Variants in PARG observed in about 807,000 individuals in gnomAD.
PARG encodes poly(ADP-ribose) glycohydrolase.
In PARG, 35 loss-of-function variants were observed where a neutral mutation model predicts 113.0. The observed-to-expected ratio is 0.31, with a 90% CI of 0.24 to 0.41. The LOEUF is 0.41. Among genes scored for constraint, PARG ranks in the 10% least tolerant of loss-of-function variants. The pLI is 1.00. For synonymous variants in PARG, 330 were observed against 409.9 expected, an observed-to-expected ratio of 0.81 and a Z score of 2.36; for missense variants, 797 against 1,169.4, an observed-to-expected ratio of 0.68 and a Z score of 4.64.
Position 49,923,409 on chromosome 10 carries a change from A to G in PARG, c.1456-740T>C, listed in dbSNP as rs553138231. 1.3e-4 allele frequency among the ~76,000 whole-genome samples: 20 copies of G among 152,220 alleles called. No individual in the cohort carries two copies. The East Asian group carries it at 3.7e-3, about 28-fold the overall frequency. On this transcript the variant is annotated intron_variant, in intron 4 of 17. Coordinates refer to ENST00000616448, the MANE Select transcript of PARG (RefSeq NM_003631.5). ...TAACCATATTAACTTTGTATTCTGA[A>G]TATGTAAGATAGAACCTGGTATGTG... is the stretch of plus-strand genomic sequence containing the variant.
chr10:49,940,426 G>A (rs1417083835), intron 1 of PARG, among the ~76,000 whole-genome samples: 2 of 145,880 alleles, frequency 1.4e-5, no homozygotes, highest in Non-Finnish European at 3.0e-5. Context: ...TATCCAATTT[G>A]ATCTGACTTT....
At chr10:49,912,299 C>G (rs531335828) in intron 7 of PARG, among the ~76,000 whole-genome samples, 366 of 152,126 alleles carry the variant, frequency 2.4e-3, no homozygotes, top group Non-Finnish European at 3.9e-3. Context: ...GATACTGTCT[C>G]AAAACAACAA....
chr10:49,824,634 G>C (rs782245347), intron 16 of PARG, among the ~76,000 whole-genome samples: 15 of 152,266 alleles, frequency 9.9e-5, no homozygotes, highest in Middle Eastern at 3.4e-3. Context: ...CACACCACAA[G>C]TGTGGTGTGA....
At chr10:49,892,017 G>C (rs543257911) in intron 7 of PARG, among the ~76,000 whole-genome samples, 4 of 151,860 alleles carry the variant, frequency 2.6e-5, no homozygotes, top group Non-Finnish European at 4.4e-5. Context: ...CTGGCCGGGC[G>C]TGGTGGCTCA....
intron 7 of PARG, among the ~76,000 whole-genome samples, chr10:49,887,048 CTT>C (rs1317586482): frequency 6.5e-5 from 9 of 139,072 alleles, no homozygotes; most frequent in East Asian, 2.0e-4. Context: ...TATAATTTAT[CTT>C]TTTTTTTTTT....
At chr10:49,916,365 G>T (rs1301180258) in intron 6 of PARG, among the ~76,000 whole-genome samples, 2 of 152,046 alleles carry the variant, frequency 1.3e-5, no homozygotes, top group African/African-American at 4.8e-5. Flanking sequence ...TATATACACA[G>T]ACATACACAG....
Position 49,922,208 on chromosome 10 carries a change from C to T in PARG, c.1662+128G>A. On this transcript the variant is annotated intron_variant, in intron 6 of 17. Transcript: ENST00000616448. ...TAGTAGAATGTCTCTAAGGGGCCTTCCTTAGTGCCAGGAAGCAAGCATTTT... is the reference window on the plus strand; with the variant it reads ...TAGTAGAATGTCTCTAAGGGGCCTTTCTTAGTGCCAGGAAGCAAGCATTTT... The T allele has an allele frequency of 4.2e-6, 4 of 950,458 alleles. No individual in the cohort carries two copies. In the East Asian group the frequency reaches 7.9e-5, roughly 19 times the overall value. 58.9% of individuals were successfully genotyped at this position (950,458 alleles called of 1,614,324 possible). A position where few individuals can be genotyped will look rare whatever the true frequency, so the allele number is the denominator to read the frequency against.
chr10:49,828,862 G>A (rs1358861504), intron 16 of PARG, among the ~76,000 whole-genome samples: 2 of 152,062 alleles, frequency 1.3e-5, no homozygotes, highest in African/African-American at 2.4e-5. Context: ...GTGACACAAT[G>A]AGACCCTGTA....
chr10:49,822,506 G>A (rs1409199450), intron 16 of PARG, among the ~76,000 whole-genome samples: 2 of 152,112 alleles, frequency 1.3e-5, no homozygotes, highest in South Asian at 2.1e-4. Context: ...AAAAACAGAC[G>A]GGCCAGCTCT....
At chr10:49,928,842 C>A (rs1261188572) in intron 4 of PARG, among the ~76,000 whole-genome samples, 1 of 152,144 alleles carries the variant, frequency 6.6e-6, no homozygotes, top group Non-Finnish European at 1.5e-5. Flanking sequence ...CTATTAACAT[C>A]TGGAATCTTA....
At chr10:49,938,224 T>G (rs1298136378) in intron 1 of PARG, among the ~76,000 whole-genome samples, 2 of 152,200 alleles carry the variant, frequency 1.3e-5, no homozygotes, top group Non-Finnish European at 2.9e-5. Flanking sequence ...TTCTAAGGGT[T>G]ATGTGGATCA....
intron 1 of PARG, among the ~76,000 whole-genome samples, chr10:49,935,641 G>A (rs2132989042): frequency 6.6e-6 from 1 of 152,156 alleles, no homozygotes; most frequent in East Asian, 1.9e-4. Context: ...TTATTTCTGA[G>A]GAAGACACTA....
chr10:49,835,975 A>G (rs891822326), intron 15 of PARG, among the ~76,000 whole-genome samples: 1 of 152,044 alleles, frequency 6.6e-6, no homozygotes, highest in African/African-American at 2.4e-5. Context: ...ATAGTAACAC[A>G]CTCGACTGGT....
chr10:49,904,430 T>C (rs1287654186), intron 7 of PARG, among the ~76,000 whole-genome samples: 13 of 151,058 alleles, frequency 8.6e-5, no homozygotes, highest in Non-Finnish European at 1.6e-4. Context: ...AGGAAGCTTA[T>C]AGAAGATGAC....
In PARG at chr10:49,819,259, G is replaced by C. The variant is rs1290075554; in HGVS notation, c.*81C>G. On this transcript the variant is annotated 3_prime_UTR_variant, in exon 18 of 18. Transcript: ENST00000616448. ...TATGTACACATTTATATTAACTTAAGTCAATTCATATATTACACCTGACAG... is the reference window on the plus strand; with the variant it reads ...TATGTACACATTTATATTAACTTAACTCAATTCATATATTACACCTGACAG... The C allele has an allele frequency of 8.9e-7, 1 of 1,126,430 alleles. No individual in the cohort carries two copies. Among genetic ancestry groups the C allele is most frequent in the East Asian group, 2.6e-5 (1 of 38,742 alleles). The allele number at this position is 1,126,430 out of a possible 1,614,324, so 69.8% of individuals were successfully genotyped here.
intron 15 of PARG, among the ~76,000 whole-genome samples, chr10:49,834,811 G>T (rs888739532): frequency 6.6e-6 from 1 of 152,112 alleles, no homozygotes; most frequent in African/African-American, 2.4e-5. Flanking sequence ...CTGCACTCCA[G>T]CCTGGGTGAC....
intron 1 of PARG, among the ~76,000 whole-genome samples, chr10:49,937,593 T>A (rs1451385279): frequency 6.6e-6 from 1 of 152,202 alleles, no homozygotes; most frequent in Admixed American, 6.5e-5. Flanking sequence ...AATGTTAAGA[T>A]GCAATGACTA....
intron 7 of PARG, among the ~76,000 whole-genome samples, chr10:49,909,426 A>G (rs1331277543): frequency 6.6e-6 from 1 of 152,022 alleles, no homozygotes; most frequent in Non-Finnish European, 1.5e-5. Context: ...TATCATTTTT[A>G]AAGTTTTCCA....
chr10:49,823,099 A>T (rs1288293254), intron 16 of PARG, among the ~76,000 whole-genome samples: 1 of 152,192 alleles, frequency 6.6e-6, no homozygotes, highest in East Asian at 1.9e-4. Context: ...ACATTTATGA[A>T]TTTAATAACT....
Sources: gnomAD v4.1 joint callset for allele counts (sites outside exome capture counted in the v4.1 genomes callset) on GRCh38, gnomAD v4.1.1 for gene constraint, MANE v1.5 for transcripts, NCBI Gene and HGNC (gene_info 2026-07-23, HGNC 2026-07-21) for gene names.